The following KLRF2 variants were observed in gnomAD, a reference collection of about 807,000 sequenced individuals.
The protein encoded by KLRF2 is killer cell lectin like receptor F2.
A neutral mutation model predicts 25.3 loss-of-function variants in KLRF2; 28 were observed. The ratio of observed to expected loss-of-function variants is 1.11; its 90% confidence interval spans 0.82 to 1.52. KLRF2 has a LOEUF of 1.52. Among genes scored for constraint, KLRF2 ranks in the 40% most tolerant of loss-of-function variants. The probability of loss-of-function intolerance (pLI) is 0.00; values close to 1 mark genes in which losing one functional copy is unlikely to be tolerated. For synonymous variants in KLRF2, 73 were observed against 85.0 expected (o/e 0.86, Z 0.78); for missense variants, 265 against 245.8 (o/e 1.08, Z -0.52).
At chr12:9,884,762 A>G (rs2136994493) in intron 1 of KLRF2, among the ~76,000 whole-genome samples, 172 bp from the exon 2 acceptor site, 1 of 151,550 alleles carries the variant, frequency 6.6e-6, no homozygotes, top group South Asian at 2.1e-4. Context: ...GTTTAATAAT[A>G]GTAGTATCTC....
intron 5 of KLRF2, among the ~76,000 whole-genome samples, chr12:9,895,480 C>G (rs1862746488): frequency 6.6e-6 from 1 of 152,178 alleles, no homozygotes; most frequent in Non-Finnish European, 1.5e-5. Context: ...GCTGGGATGT[C>G]TTCTAGTGTA....
chr12:9,892,944 A>T, intron 3 of KLRF2, 76 bp from the exon 4 acceptor site: 5 of 1,160,674 alleles, frequency 4.3e-6, no homozygotes, highest in African/African-American at 1.6e-5. Flanking sequence ...TTTTCCAAGT[A>T]GTCACATTTG....
chr12:9,886,751 C>A (rs1254246614), intron 2 of KLRF2, among the ~76,000 whole-genome samples: 2 of 143,162 alleles, frequency 1.4e-5, no homozygotes, highest in South Asian at 4.6e-4. Context: ...TGGATTTTGC[C>A]CCTATATCAT....
At chr12:9,892,580 C>CTTTTTTT (rs66824753) in intron 3 of KLRF2, among the ~76,000 whole-genome samples, 2 of 104,836 alleles carry the variant, frequency 1.9e-5, no homozygotes, top group Non-Finnish European at 1.8e-5. Context: ...TACAGAACTG[C>CTTTTTTT]TTTTTTTTTT....
At chr12:9,882,705 C>T (rs768908) in intron 1 of KLRF2, among the ~76,000 whole-genome samples, 12,691 of 152,118 alleles carry the variant, frequency 0.083, 692 homozygotes, top group Non-Finnish European at 0.13. Flanking sequence ...CGCTTGAACC[C>T]GGGAGACGGA....
chr12:9,888,446 C>T (rs958189542), intron 2 of KLRF2, among the ~76,000 whole-genome samples: 6 of 151,502 alleles, frequency 4.0e-5, no homozygotes, highest in African/African-American at 7.3e-5. Context: ...GCCGAGATTG[C>T]GCCACTGCAC....
intron 5 of KLRF2, among the ~76,000 whole-genome samples, chr12:9,894,240 G>A (rs1272428967): frequency 6.7e-6 from 1 of 149,806 alleles, no homozygotes; most frequent in Non-Finnish European, 1.5e-5. Flanking sequence ...GGAGTGCAGT[G>A]GCATGATCGT....
chr12:9,893,873 C>T (rs543364503), intron 5 of KLRF2, among the ~76,000 whole-genome samples: 1 of 152,122 alleles, frequency 6.6e-6, no homozygotes, highest in East Asian at 1.9e-4. Context: ...TATGCAAATA[C>T]TTCTCATGTG....
chr12:9,892,857 T>C (rs1862696772), intron 3 of KLRF2, among the ~76,000 whole-genome samples, 163 bp from the exon 4 acceptor site: 1 of 151,102 alleles, frequency 6.6e-6, no homozygotes, highest in African/African-American at 2.4e-5. Context: ...GTGCTGGGAT[T>C]ACAGGCGTGA....
intron 2 of KLRF2, among the ~76,000 whole-genome samples, chr12:9,886,193 A>G (rs543473394): frequency 6.6e-6 from 1 of 152,288 alleles, no homozygotes; most frequent in South Asian, 2.1e-4. Flanking sequence ...TTATTCTAAT[A>G]AATTAGTAAC....
rs112170027 is a variant in KLRF2, at chr12:9,893,379, C to CA, written c.367-46dup. On this transcript the variant is annotated intron_variant, in intron 4 of 5. Coordinates refer to ENST00000535540, the MANE Select transcript of KLRF2 (RefSeq NM_001190765.1). ...CAGAGACTTACACTATAGAAGGCAT[C>CA]AAAATTTTTTTAAACAAATGAATGA... 12 of 984,570 alleles carry CA rather than the reference C, an allele frequency of 1.2e-5. 1 individual carries two copies. Among genetic ancestry groups the CA allele is most frequent in the African/African-American group, 6.4e-5 (4 of 62,174 alleles). 61.0% of individuals were successfully genotyped at this position (984,570 alleles called of 1,614,324 possible).
intron 1 of KLRF2, among the ~76,000 whole-genome samples, chr12:9,883,446 TA>T (rs1183976355): frequency 1.3e-5 from 2 of 152,222 alleles, no homozygotes; most frequent in Non-Finnish European, 2.9e-5. Flanking sequence ...TGGCTTGATA[TA>T]GTATGTAAAT....
At chr12:9,883,724 A>G (rs1225440091) in intron 1 of KLRF2, among the ~76,000 whole-genome samples, 2 of 152,232 alleles carry the variant, frequency 1.3e-5, no homozygotes, top group Non-Finnish European at 2.9e-5. Context: ...TTTTGGACTT[A>G]GTAATACAGA....
At chr12:9,888,891 G>A in intron 3 of KLRF2, 111 bp downstream of exon 3, 1 of 585,906 alleles carries the variant, frequency 1.7e-6, no homozygotes. Context: ...CACTGGTGGA[G>A]AAAGGTATGG....
chr12:9,885,263 T>C (rs1483997466), intron 2 of KLRF2, among the ~76,000 whole-genome samples: 1 of 151,654 alleles, frequency 6.6e-6, no homozygotes, highest in Non-Finnish European at 1.5e-5. Flanking sequence ...ATCTTATAAT[T>C]AAAAAAGTAA....
At chr12:9,884,175 G>A (rs1251251700) in intron 1 of KLRF2, among the ~76,000 whole-genome samples, 1 of 152,078 alleles carries the variant, frequency 6.6e-6, no homozygotes, top group East Asian at 1.9e-4. Context: ...AAAATTGAAA[G>A]AGGATTATTA....
chr12:9,889,630 C>A (rs994027697), intron 3 of KLRF2, among the ~76,000 whole-genome samples: 6 of 150,296 alleles, frequency 4.0e-5, no homozygotes, highest in South Asian at 4.2e-4. Context: ...AAATCTCTCT[C>A]TATATGTGTA....
At chr12:9,885,877 G>T (rs1460894306) in intron 2 of KLRF2, among the ~76,000 whole-genome samples, 3 of 151,934 alleles carry the variant, frequency 2.0e-5, no homozygotes, top group Non-Finnish European at 4.4e-5. Context: ...ATCTATCTAA[G>T]TAGGTATTGC....
At chr12:9,884,152 G>GA (rs940013218) in intron 1 of KLRF2, among the ~76,000 whole-genome samples, 48 of 151,990 alleles carry the variant, frequency 3.2e-4, no homozygotes, top group Non-Finnish European at 5.4e-4. Flanking sequence ...CTAATATGTG[G>GA]AAAAAAGTAG....
Sources: allele counts gnomAD v4.1 joint callset (sites outside exome capture counted in the v4.1 genomes callset), GRCh38; gene constraint gnomAD v4.1.1; transcripts MANE v1.5; gene names NCBI Gene and HGNC (gene_info 2026-07-23, HGNC 2026-07-21).